Variants in GMDS observed in about 807,000 individuals in gnomAD.
GMDS encodes GDP-mannose 4,6-dehydratase, also known as GDP-mannose 4,6 dehydratase.
GMDS carries 20 observed loss-of-function variants against 49.9 expected under a neutral mutation model. The ratio of observed to expected loss-of-function variants is 0.40; its 90% CI spans 0.28 to 0.58. The LOEUF (loss-of-function observed/expected upper bound fraction) is 0.58, where lower values mean the gene tolerates loss of function less well. Ranked by LOEUF, GMDS falls within the 20% of genes least tolerant of loss-of-function variation. GMDS has a pLI of 0.42. For synonymous variants in GMDS, 177 were observed against 178.6 expected (o/e 0.99, Z 0.07); for missense variants, 362 against 481.4 (o/e 0.75, Z 2.32).
intron 7 of GMDS, among the ~76,000 whole-genome samples, chr6:1,772,829 T>A (rs892634261): frequency 2.0e-5 from 3 of 152,214 alleles, no homozygotes; most frequent in African/African-American, 7.2e-5. Context: ...CAACAACTAG[T>A]TTCTAGAAAG....
chr6:1,971,230 G>GCAT, intron 4 of GMDS, among the ~76,000 whole-genome samples: 1 of 152,156 alleles, frequency 6.6e-6, no homozygotes, highest in East Asian at 1.9e-4. Flanking sequence ...GCAGAGGACA[G>GCAT]CATCACTTTA....
chr6:1,849,057 T>C (rs1439418978), intron 7 of GMDS, among the ~76,000 whole-genome samples: 1 of 152,138 alleles, frequency 6.6e-6, no homozygotes, highest in African/African-American at 2.4e-5. Context: ...TCTCCAGACA[T>C]TGCTAAAACT....
intron 2 of GMDS, among the ~76,000 whole-genome samples, chr6:2,123,548 G>T (rs1775257148): frequency 6.6e-6 from 1 of 152,168 alleles, no homozygotes. Context: ...CCTTTTAACA[G>T]ATATTAAGGC....
chr6:1,762,930 T>A, intron 7 of GMDS, among the ~76,000 whole-genome samples: 1 of 152,250 alleles, frequency 6.6e-6, no homozygotes, highest in East Asian at 1.9e-4. Flanking sequence ...AGCAATTGAA[T>A]GTTTGCTCCA....
chr6:2,121,750 G>A (rs1775149797), intron 2 of GMDS, among the ~76,000 whole-genome samples: 1 of 152,220 alleles, frequency 6.6e-6, no homozygotes, highest in South Asian at 2.1e-4. Flanking sequence ...GGGAGAAAAA[G>A]TAAAGGAGTG....
intron 9 of GMDS, among the ~76,000 whole-genome samples, chr6:1,629,433 C>CGGTGGGACTGT (rs752502856): frequency 4.7e-4 from 71 of 152,208 alleles, no homozygotes; most frequent in Non-Finnish European, 9.4e-4. Flanking sequence ...AAGCGGGACT[C>CGGTGGGACTGT]GGTGGGACTG....
At chr6:1,624,702 G>A (rs1401125060) in intron 9 of GMDS, 162 bp from the exon 10 acceptor site, 11 of 616,692 alleles carry the variant, frequency 1.8e-5, no homozygotes, top group South Asian at 3.9e-5. Context: ...TGCGGCTCTC[G>A]GCGCCGTAAA....
chr6:1,799,787 C>T lies in GMDS; in HGVS notation c.772-57201G>A, dbSNP rs541931814. Among the ~76,000 whole-genome samples, 74 of 152,252 alleles carry T rather than the reference C, an allele frequency of 4.9e-4. 1 individual carries two copies. Among genetic ancestry groups the T allele is most frequent in the African/African-American group, 1.6e-3 (65 of 41,544 alleles). ...TTGTTGATTTCAGGGTTACAGCCTA[C>T]GAAACAAACTGCGTACTTTGTTCCT... is the stretch of plus-strand genomic sequence containing the variant. On this transcript the variant is annotated intron_variant, in intron 7 of 10. Coordinates refer to ENST00000380815, the MANE Select transcript of GMDS (RefSeq NM_001500.4).
At chr6:1,688,453 G>A (rs757283518) in intron 9 of GMDS, among the ~76,000 whole-genome samples, 6 of 152,174 alleles carry the variant, frequency 3.9e-5, no homozygotes, top group Non-Finnish European at 5.9e-5. Context: ...TCTGCTTCCA[G>A]CAATCAAGCA....
At chr6:2,107,843 A>G (rs1774328105) in intron 4 of GMDS, among the ~76,000 whole-genome samples, 1 of 152,256 alleles carries the variant, frequency 6.6e-6, no homozygotes, top group African/African-American at 2.4e-5. Context: ...AAATGCAAAC[A>G]TACCTTATTA....
At chr6:2,227,748 C>T (rs1780883505) in intron 1 of GMDS, among the ~76,000 whole-genome samples, 2 of 152,198 alleles carry the variant, frequency 1.3e-5, no homozygotes, top group African/African-American at 4.8e-5. Context: ...CCCTGGGTCA[C>T]AATAGCAGCT....
chr6:1,774,762 A>G (rs1768725378), intron 7 of GMDS, among the ~76,000 whole-genome samples: 1 of 152,254 alleles, frequency 6.6e-6, no homozygotes, highest in African/African-American at 2.4e-5. Flanking sequence ...GTGGTTATAA[A>G]GAAGCAAACT....
At chr6:2,078,227 G>A (rs914293888) in intron 4 of GMDS, among the ~76,000 whole-genome samples, 6 of 151,892 alleles carry the variant, frequency 4.0e-5, no homozygotes, top group African/African-American at 9.7e-5. Context: ...TCAACTTTTC[G>A]TTTAACTGAT....
intron 1 of GMDS, among the ~76,000 whole-genome samples, chr6:2,163,158 C>T (rs1476479188): frequency 6.6e-6 from 1 of 152,006 alleles, no homozygotes; most frequent in Non-Finnish European, 1.5e-5. Context: ...AATAATAGGC[C>T]CAGGTGACAA....
Position 1,833,432 on chromosome 6 carries a change from G to A in GMDS, c.772-90846C>T, listed in dbSNP as rs753274361. On this transcript the variant is annotated intron_variant, in intron 7 of 10. Coordinates refer to ENST00000380815, the MANE Select transcript of GMDS (RefSeq NM_001500.4). This position sits in a 1 kb window ranked among gnomAD's most constrained non-coding sequence, Gnocchi z 4.4. ...GATTCACTATTTCATGGCACAATGA[G>A]GGGAGGAGGACGCTGTAATAAAAAC... Among the ~76,000 whole-genome samples, 1 of 152,060 alleles carries A rather than the reference G, an allele frequency of 6.6e-6. No homozygotes were observed. The highest frequency in any genetic ancestry group is 6.6e-5 in the Admixed American group (1 of 15,256).
chr6:1,826,560 T>G (rs554352252), intron 7 of GMDS, among the ~76,000 whole-genome samples: 3 of 152,354 alleles, frequency 2.0e-5, no homozygotes, highest in Admixed American at 2.0e-4. Context: ...CTGCAGATAT[T>G]GTCAATATAG....
chr6:1,624,627 C>T (rs967995461), intron 9 of GMDS, 87 bp from the exon 10 acceptor site: 1 of 903,536 alleles, frequency 1.1e-6, no homozygotes, highest in East Asian at 2.6e-5. Context: ...CCCACCGTTC[C>T]GCTCCCTCTG....
At chr6:1,890,837 TG>T in intron 7 of GMDS, among the ~76,000 whole-genome samples, 1 of 152,328 alleles carries the variant, frequency 6.6e-6, no homozygotes, top group Admixed American at 6.5e-5. Context: ...TAAGGTTCAA[TG>T]GTGTTTTCAA....
At chr6:1,937,371 T>G (rs1243755977) in intron 6 of GMDS, among the ~76,000 whole-genome samples, 4 of 152,244 alleles carry the variant, frequency 2.6e-5, no homozygotes, top group Non-Finnish European at 5.9e-5. Flanking sequence ...CTTTTAAATT[T>G]TAATTTGCTG....
Sources: allele counts gnomAD v4.1 joint callset (sites outside exome capture counted in the v4.1 genomes callset), GRCh38; gene constraint gnomAD v4.1.1; non-coding constraint Gnocchi (gnomAD v3.1); transcripts MANE v1.5; gene names NCBI Gene and HGNC (gene_info 2026-07-23, HGNC 2026-07-21).